Variants in SEC31A observed in about 807,000 individuals in gnomAD.
The protein encoded by SEC31A is protein transport protein Sec31A.
SEC31A carries 70 observed loss-of-function variants against 151.0 expected under a neutral mutation model. The observed-to-expected ratio is 0.46, with a 90% CI of 0.38 to 0.57. The LOEUF (loss-of-function observed/expected upper bound fraction) is 0.57. SEC31A is among the 20% of genes least tolerant of loss of function. The probability of loss-of-function intolerance (pLI) is 0.00; values close to 1 mark genes in which losing one functional copy is unlikely to be tolerated. For missense variants in SEC31A, 1,330 were observed against 1,471.2 expected (o/e 0.90, Z 1.57); for synonymous variants, 475 against 505.9 (o/e 0.94, Z 0.82).
chr4:82,841,968 T>A (rs1729001694), intron 22 of SEC31A, among the ~76,000 whole-genome samples, 172 bp downstream of exon 22: 1 of 148,512 alleles, frequency 6.7e-6, no homozygotes, highest in Non-Finnish European at 1.5e-5. Flanking sequence ...AGAGACTCCA[T>A]CACAAAAAAA....
intron 10 of SEC31A, among the ~76,000 whole-genome samples, chr4:82,864,854 C>T (rs926798926): frequency 3.3e-5 from 5 of 151,592 alleles, no homozygotes; most frequent in Admixed American, 1.3e-4. Flanking sequence ...TGGCTCACTA[C>T]AACCTCTGCC....
chr4:82,827,302 G>C, intron 24 of SEC31A, 67 bp downstream of exon 24: 1 of 1,493,596 alleles, frequency 6.7e-7, no homozygotes, highest in East Asian at 2.3e-5. Context: ...ATAAAAGTTA[G>C]CACATTAAAG....
At chr4:82,824,526 A>C in intron 25 of SEC31A, 29 bp downstream of exon 25, 1 of 1,605,756 alleles carries the variant, frequency 6.2e-7, no homozygotes, top group Non-Finnish European at 8.5e-7. Context: ...TAATTAAGCA[A>C]AATATGATTT....
upstream of SEC31A, among the ~76,000 whole-genome samples, chr4:82,892,293 T>C (rs371706957): frequency 6.6e-6 from 1 of 152,376 alleles, no homozygotes; most frequent in African/African-American, 2.4e-5. Flanking sequence ...TAGTCTTCAA[T>C]TCAAACAAGT....
chr4:82,822,862 A>C (rs546612599), intron 25 of SEC31A, among the ~76,000 whole-genome samples: 58 of 152,254 alleles, frequency 3.8e-4, no homozygotes, highest in African/African-American at 1.3e-3. Context: ...AATTCCAGCT[A>C]CTAGGGAGGC....
chr4:82,900,373 C>T (rs1296163174), exon 1 of SEC31A: 1 of 205,658 alleles, frequency 4.9e-6, no homozygotes, highest in Non-Finnish European at 1.0e-5. Context: ...AGACCGCACC[C>T]GGAGACCCAT....
intron 15 of SEC31A, 48 bp from the exon 16 acceptor site, chr4:82,857,178 C>A: frequency 6.6e-7 from 1 of 1,512,140 alleles, no homozygotes; most frequent in Non-Finnish European, 9.1e-7. Context: ...TTTTTGTTAC[C>A]AAAACCAACA....
At chr4:82,866,062 T>A (rs1289036741) in intron 10 of SEC31A, among the ~76,000 whole-genome samples, 1 of 129,894 alleles carries the variant, frequency 7.7e-6, no homozygotes, top group Admixed American at 8.6e-5. Flanking sequence ...GGACACTCCC[T>A]GCAAAAAGAA....
intron 7 of SEC31A, chr4:82,871,389 A>C (rs1234087053): frequency 1.3e-6 from 2 of 1,525,426 alleles, no homozygotes; most frequent in Non-Finnish European, 8.8e-7. Context: ...CATGAAATCT[A>C]ACTGCAGTAA....
chr4:82,857,586 A>G, intron 15 of SEC31A, 103 bp downstream of exon 15: 1 of 764,790 alleles, frequency 1.3e-6, no homozygotes, highest in Middle Eastern at 2.4e-4. Flanking sequence ...GACTATAAGC[A>G]TGCACCACAG....
chr4:82,854,866 T>A, intron 17 of SEC31A, 37 bp downstream of exon 17: 1 of 1,560,686 alleles, frequency 6.4e-7, no homozygotes, highest in South Asian at 1.2e-5. Context: ...CCCTGCCACG[T>A]ATGTAAATGC....
At chr4:82,854,379 A>AG (rs1491574440) in intron 17 of SEC31A, among the ~76,000 whole-genome samples, 1 of 151,854 alleles carries the variant, frequency 6.6e-6, no homozygotes, top group East Asian at 1.9e-4. Context: ...AAAAAAAAAA[A>AG]AGCAGTTAGT....
chr4:82,823,737 T>C (rs1296310095), intron 25 of SEC31A, among the ~76,000 whole-genome samples: 1 of 152,266 alleles, frequency 6.6e-6, no homozygotes, highest in Non-Finnish European at 1.5e-5. Context: ...CATTTAACTA[T>C]CTTTAACATC....
intron 3 of SEC31A, chr4:82,899,431 T>C (rs1002370516): frequency 6.6e-6 from 1 of 152,244 alleles, no homozygotes; most frequent in African/African-American, 2.4e-5. Context: ...AACAATGTTA[T>C]TTTTATTCAG....
At chr4:82,842,646 C>T in intron 21 of SEC31A, 165 bp from the exon 22 acceptor site, 2 of 592,978 alleles carry the variant, frequency 3.4e-6, no homozygotes, top group Non-Finnish European at 2.9e-6. Context: ...CTCAAATGCC[C>T]CAAATACACT....
Position 82,827,579 on chromosome 4 carries a change from C to T in SEC31A, c.3081G>A (p.Pro1027=), listed in dbSNP as rs144285817. The T allele has an allele frequency of 2.0e-5, 33 of 1,613,964 alleles. No individual in the cohort carries two copies. Among genetic ancestry groups the T allele is most frequent in the Admixed American group, 1.7e-4 (10 of 59,976 alleles). ...PVPITSPIMN[P]LGDPQSQMLQ... Reference sequence around the variant, plus strand: ...GCATTTGTGACTGGGGGTCACCCAACGGGTTCATGATTGGTGATGTGATGG... The same window carrying T: ...GCATTTGTGACTGGGGGTCACCCAATGGGTTCATGATTGGTGATGTGATGG... Residue 1027 remains proline (P), a synonymous_variant, in exon 24 of 27, where the codon CCG becomes CCA. Transcript: ENST00000395310.
At chr4:82,888,195 C>G (rs1177806724) in intron 1 of SEC31A, among the ~76,000 whole-genome samples, 1 of 142,874 alleles carries the variant, frequency 7.0e-6, no homozygotes, top group Admixed American at 7.1e-5. Flanking sequence ...GCCAACATGG[C>G]GAAACCCCGT....
chr4:82,871,658 C>T lies in SEC31A; in HGVS notation c.782+286G>A, dbSNP rs1448092189. The T allele has an allele frequency of 9.4e-6, 5 of 530,308 alleles. No homozygotes were observed. The Admixed American group carries it at 1.0e-4, about 11-fold the overall frequency. 32.9% of individuals were successfully genotyped at this position (530,308 alleles called of 1,614,324 possible). The stretch of plus-strand genomic sequence containing the variant: ...GGGCGTGGTGGCGCATGCATGTAAT[C>T]CCAGCTATAAAATTTTTATAAAACT... On this transcript the variant is annotated intron_variant, in intron 7 of 26. Coordinates refer to ENST00000395310, the MANE Select transcript of SEC31A (RefSeq NM_001077207.4).
intron 14 of SEC31A, 50 bp from the exon 15 acceptor site, chr4:82,857,814 G>A (rs751622721): frequency 1.7e-6 from 2 of 1,196,858 alleles, no homozygotes; most frequent in African/African-American, 3.1e-5. Flanking sequence ...ACTGTGGAAT[G>A]ATTTACTGAC....
Sources: gnomAD v4.1 joint callset for allele counts (sites outside exome capture counted in the v4.1 genomes callset) on GRCh38, gnomAD v4.1.1 for gene constraint, MANE v1.5 for transcripts, NCBI Gene and HGNC (gene_info 2026-07-23, HGNC 2026-07-21) for gene names.